GRIN2B: variants seen among roughly 807,000 people sequenced by gnomAD.
GRIN2B encodes the protein glutamate ionotropic receptor NMDA type subunit 2B, also known as glutamate receptor ionotropic, NMDA 2B.
A neutral mutation model predicts 114.5 loss-of-function variants in GRIN2B; 5 were observed. That is an observed-to-expected ratio of 0.04 (90% CI 0.02 to 0.09). GRIN2B has a LOEUF of 0.09. Ranked by LOEUF, GRIN2B falls within the 10% of genes least tolerant of loss-of-function variation. The pLI is 1.00. For missense variants in GRIN2B, 1,108 were observed against 1,943.5 expected, an observed-to-expected ratio of 0.57 and a Z score of 8.08; for synonymous variants, 787 against 745.1, an observed-to-expected ratio of 1.06 and a Z score of -0.92.
intron 3 of GRIN2B, among the ~76,000 whole-genome samples, chr12:13,826,141 T>C (rs559072416): frequency 6.6e-6 from 1 of 152,184 alleles, no homozygotes; most frequent in South Asian, 2.1e-4. Context: ...GGACTAACAA[T>C]GTGCTTCTTG....
intron 3 of GRIN2B, among the ~76,000 whole-genome samples, chr12:13,801,635 G>A (rs149816503): frequency 2.6e-5 from 4 of 152,222 alleles, no homozygotes; most frequent in Admixed American, 2.0e-4. Flanking sequence ...AATTCCTTCC[G>A]GGTGAGGTGA....
chr12:13,786,943 A>G (rs887069899), intron 3 of GRIN2B, among the ~76,000 whole-genome samples: 1 of 151,752 alleles, frequency 6.6e-6, no homozygotes, highest in African/African-American at 2.4e-5. Context: ...GACAATAAAT[A>G]CAGGCTTCAA....
At position 13,817,756 on chromosome 12, in the gene GRIN2B, A is replaced by G. The variant is rs1237385115; in HGVS notation, c.411+48042T>C. On this transcript the variant is annotated intron_variant, in intron 3 of 13. Coordinates refer to ENST00000609686, the MANE Select transcript of GRIN2B (RefSeq NM_000834.5). ...AGGCAAAGACATTTCAAGTCAGGCC[A>G]TGGGTTTCCAACCGCTCAGGAATGG... 3.3e-5 allele frequency among the ~76,000 whole-genome samples: 5 copies of G among 152,208 alleles called. 1 individual carries two copies. Among genetic ancestry groups the G allele is most frequent in the Admixed American group, 2.6e-4 (4 of 15,278 alleles).
chr12:13,567,995 A>C (rs1948663603), intron 12 of GRIN2B, among the ~76,000 whole-genome samples: 1 of 151,958 alleles, frequency 6.6e-6, no homozygotes, highest in East Asian at 2.0e-4. Context: ...ACAAGCAGAG[A>C]GAGATGGGCA....
At chr12:13,947,207 A>G (rs1867377012) in intron 2 of GRIN2B, among the ~76,000 whole-genome samples, 2 of 152,178 alleles carry the variant, frequency 1.3e-5, no homozygotes, top group Admixed American at 1.3e-4. Context: ...AACACTTTAG[A>G]CCTGTTGCTT....
At chr12:13,835,719 G>A (rs551976415) in intron 3 of GRIN2B, among the ~76,000 whole-genome samples, 1 of 148,492 alleles carries the variant, frequency 6.7e-6, no homozygotes, top group African/African-American at 2.5e-5. Context: ...AGAAAGGCAG[G>A]GATGGATGTA....
chr12:13,908,379 G>A (rs1444626687), intron 2 of GRIN2B, among the ~76,000 whole-genome samples: 1 of 152,120 alleles, frequency 6.6e-6, no homozygotes, highest in African/African-American at 2.4e-5. Context: ...CATGCTAAGA[G>A]CATGGTTAGC....
At chr12:13,722,049 A>G (rs1470560207) in intron 4 of GRIN2B, among the ~76,000 whole-genome samples, 1 of 152,158 alleles carries the variant, frequency 6.6e-6, no homozygotes, top group African/African-American at 2.4e-5. Flanking sequence ...ATTTGGTAAC[A>G]TAGTGACCAC....
At position 13,545,996 on chromosome 12, in the gene GRIN2B, T is replaced by G. The variant is rs1253364987; in HGVS notation, c.*16787A>C. The G allele has an allele frequency of 6.6e-6, 1 of 152,220 alleles. No homozygotes were observed. The highest frequency in any genetic ancestry group is 1.5e-5 in the Non-Finnish European group (1 of 68,040). The allele number at this position is 152,220 out of a possible 1,614,324, so 9.4% of individuals were successfully genotyped here. A position where few individuals can be genotyped will look rare whatever the true frequency, so the allele number is the denominator to read the frequency against. ...TAATCGAATCTAGCAATTTTCTTTC[T>G]GAAGTAAACAGTAATCACATTAACA... On this transcript the variant is annotated 3_prime_UTR_variant, in exon 14 of 14. Transcript: ENST00000609686.
chr12:13,913,964 A>C (rs529438763), intron 2 of GRIN2B, among the ~76,000 whole-genome samples: 25 of 152,346 alleles, frequency 1.6e-4, no homozygotes, highest in African/African-American at 6.0e-4. Flanking sequence ...TGGCACGTAC[A>C]ACAGCACCTG....
At chr12:13,834,803 C>T (rs527491819) in intron 3 of GRIN2B, among the ~76,000 whole-genome samples, 1 of 152,216 alleles carries the variant, frequency 6.6e-6, no homozygotes, top group East Asian at 1.9e-4. Context: ...GCCAGTAAAT[C>T]TCAACTTCTG....
intron 3 of GRIN2B, among the ~76,000 whole-genome samples, chr12:13,791,998 A>G (rs1309851445): frequency 6.6e-6 from 1 of 152,124 alleles, no homozygotes; most frequent in East Asian, 1.9e-4. Context: ...CAACTAATCT[A>G]TTCTCTAGCT....
intron 3 of GRIN2B, among the ~76,000 whole-genome samples, chr12:13,785,293 G>T (rs1460328139): frequency 6.6e-6 from 1 of 152,054 alleles, no homozygotes; most frequent in Non-Finnish European, 1.5e-5. Context: ...AATATGTAAG[G>T]GTTATCTTGA....
At chr12:13,749,657 C>T (rs1863447287) in intron 4 of GRIN2B, among the ~76,000 whole-genome samples, 2 of 152,272 alleles carry the variant, frequency 1.3e-5, no homozygotes, top group South Asian at 2.1e-4. Context: ...CCTAGTGAGA[C>T]CAGAGCTCTG....
intron 2 of GRIN2B, among the ~76,000 whole-genome samples, chr12:13,890,078 G>A (rs1465221987): frequency 6.6e-6 from 1 of 152,164 alleles, no homozygotes; most frequent in Non-Finnish European, 1.5e-5. Context: ...TCCACAAGAC[G>A]TCAGCCTTCC....
chr12:13,939,617 C>T (rs1356809382), intron 2 of GRIN2B, among the ~76,000 whole-genome samples: 1 of 132,422 alleles, frequency 7.6e-6, no homozygotes, highest in African/African-American at 2.8e-5. Flanking sequence ...TGCAGTAGTG[C>T]AATTTTGGCT....
chr12:13,793,417 T>C (rs1228995421), intron 3 of GRIN2B, among the ~76,000 whole-genome samples: 1 of 58,126 alleles, frequency 1.7e-5, no homozygotes, highest in African/African-American at 6.0e-5. Context: ...TGAGACTCTG[T>C]CTCAAAAAAA....
intron 2 of GRIN2B, among the ~76,000 whole-genome samples, chr12:13,941,624 C>T (rs879746686): frequency 6.6e-6 from 1 of 152,132 alleles, no homozygotes; most frequent in East Asian, 1.9e-4. Flanking sequence ...TGAGGTAGAT[C>T]GGCATAAACT....
At chr12:13,649,848 A>G (rs1949798035) in intron 5 of GRIN2B, among the ~76,000 whole-genome samples, 1 of 152,142 alleles carries the variant, frequency 6.6e-6, no homozygotes, top group Non-Finnish European at 1.5e-5. Flanking sequence ...GGATGAAGAT[A>G]CATATTCTAA....
Sources: allele counts gnomAD v4.1 joint callset (sites outside exome capture counted in the v4.1 genomes callset), GRCh38; gene constraint gnomAD v4.1.1; transcripts MANE v1.5; gene names NCBI Gene and HGNC (gene_info 2026-07-23, HGNC 2026-07-21).